ITGA4: variants seen among roughly 807,000 people sequenced by gnomAD.
ITGA4 encodes the protein integrin subunit alpha 4.
A neutral mutation model predicts 133.6 loss-of-function variants in ITGA4; 63 were observed. That is an observed-to-expected ratio of 0.47 (90% CI 0.38 to 0.58). The LOEUF is 0.58. ITGA4 is among the 20% of genes least tolerant of loss of function. The probability of loss-of-function intolerance (pLI) is 0.00; values close to 1 mark genes in which losing one functional copy is unlikely to be tolerated. For missense variants in ITGA4, 1,076 were observed against 1,252.7 expected, an observed-to-expected ratio of 0.86 and a Z score of 2.13; for synonymous variants, 483 against 438.0, an observed-to-expected ratio of 1.10 and a Z score of -1.28.
intron 2 of ITGA4, among the ~76,000 whole-genome samples, chr2:181,471,573 A>G: frequency 6.6e-6 from 1 of 152,194 alleles, no homozygotes; most frequent in East Asian, 1.9e-4. Flanking sequence ...ACAACTGTAT[A>G]GGAGATATTT....
At chr2:181,496,080 C>T in intron 14 of ITGA4, 143 bp downstream of exon 14, 1 of 771,518 alleles carries the variant, frequency 1.3e-6, no homozygotes, top group Admixed American at 2.6e-5. Context: ...CATGCTTTTC[C>T]TCTCCATCTT....
chr2:181,462,416 TTACC>T (rs1166615802), intron 2 of ITGA4, among the ~76,000 whole-genome samples: 1 of 152,206 alleles, frequency 6.6e-6, no homozygotes, highest in Non-Finnish European at 1.5e-5. Context: ...AAACTAATGA[TTACC>T]TAATCCTCAC....
At chr2:181,526,050 T>C (rs990733655) in intron 21 of ITGA4, among the ~76,000 whole-genome samples, 1 of 152,204 alleles carries the variant, frequency 6.6e-6, no homozygotes, top group Non-Finnish European at 1.5e-5. Context: ...AGTCATCTTA[T>C]CCACTTAGAA....
At position 181,536,178 on chromosome 2, in the gene ITGA4, T is replaced by G. The variant is rs1449258; in HGVS notation, c.*651T>G. ...TACACTGGTTTGAGCTTAGTGAAAT[T>G]ACTTCTGGATAATTATTTTTTTATA... On this transcript the variant is annotated 3_prime_UTR_variant, in exon 28 of 28. Coordinates refer to ENST00000397033, the MANE Select transcript of ITGA4 (RefSeq NM_000885.6). The G allele has an allele frequency of 0.99, 150,934 of 152,014 alleles. 74,946 individuals carry two copies. The highest frequency in any genetic ancestry group is 1 in the Middle Eastern group (294 of 294). The allele number at this position is 152,014 out of a possible 1,614,324, so 9.4% of individuals were successfully genotyped here.
intron 15 of ITGA4, among the ~76,000 whole-genome samples, chr2:181,503,518 T>TTTAA (rs1686326496): frequency 6.6e-6 from 1 of 151,334 alleles, no homozygotes; most frequent in South Asian, 2.1e-4. Flanking sequence ...TTTGCTTAAC[T>TTTAA]GGTCAAAATT....
rs914276792 is a variant in ITGA4 at position 181,522,318 on chromosome 2, T to A, written c.2050T>A (p.Tyr684Asn). The change falls in exon 18 of 28, where the codon TAT becomes AAT. Residue 684 changes from tyrosine to asparagine, a missense_variant. Tyr to Asn is a moderately radical substitution (Grantham distance 143, BLOSUM62 -2). Transcript: ENST00000397033. ...TLHVKLPVGL[Y>N]FIKILELEEK... ...ACATGTCAAACTACCCGTGGGTCTT[T>A]ATTTCATTAAGATTTTAGAGCTGGT... 1.9e-6 allele frequency: 3 copies of A among 1,605,586 alleles called. No homozygotes were observed. In the East Asian group the frequency reaches 6.7e-5, roughly 36 times the overall value.
At chr2:181,493,965 G>GT (rs1185707646) in intron 11 of ITGA4, among the ~76,000 whole-genome samples, 1 of 152,044 alleles carries the variant, frequency 6.6e-6, no homozygotes, top group African/African-American at 2.4e-5. Flanking sequence ...GAGAAGAAAA[G>GT]TTTTTCCCTT....
chr2:181,458,432 T>A, intron 2 of ITGA4, 115 bp downstream of exon 2: 1 of 1,295,932 alleles, frequency 7.7e-7, no homozygotes, highest in Non-Finnish European at 1.1e-6. Context: ...TTAAAGAGCA[T>A]AAAGTTTTCA....
intron 23 of ITGA4, 32 bp downstream of exon 23, chr2:181,529,680 TTG>T (rs764734185): frequency 9.2e-7 from 1 of 1,091,188 alleles, no homozygotes; most frequent in Non-Finnish European, 1.4e-6. Flanking sequence ...CTAACCTTTA[TTG>T]TGTGTCTTAA....
chr2:181,478,065 T>C (rs932754988), intron 4 of ITGA4, among the ~76,000 whole-genome samples: 4 of 152,096 alleles, frequency 2.6e-5, no homozygotes, highest in African/African-American at 4.8e-5. Context: ...AATTCTGACT[T>C]TTGTGACAAC....
At chr2:181,535,308 C>A in intron 27 of ITGA4, 124 bp from the exon 28 acceptor site, 1 of 724,732 alleles carries the variant, frequency 1.4e-6, no homozygotes, top group Non-Finnish European at 2.2e-6. Flanking sequence ...ACCTTTATGA[C>A]TGATGTTACA....
intron 22 of ITGA4, among the ~76,000 whole-genome samples, chr2:181,528,187 T>C (rs962870690): frequency 5.9e-5 from 9 of 152,218 alleles, no homozygotes; most frequent in Non-Finnish European, 1.0e-4. Flanking sequence ...AGAATGCAAA[T>C]TCCTTGGCTT....
At chr2:181,476,990 C>G (rs155088) in intron 4 of ITGA4, among the ~76,000 whole-genome samples, 116,212 of 151,916 alleles carry the variant, frequency 0.76, 44,763 homozygotes, top group Admixed American at 0.85. Flanking sequence ...ACGGTGGGAG[C>G]AGAGAGAGGA....
chr2:181,505,419 T>C (rs1400880048), intron 15 of ITGA4, among the ~76,000 whole-genome samples: 1 of 152,072 alleles, frequency 6.6e-6, no homozygotes, highest in African/African-American at 2.4e-5. Context: ...ACAGACATTA[T>C]GTAATTTCAG....
Position 181,490,964 on chromosome 2 carries a change from G to A in ITGA4, c.1154-2361G>A, listed in dbSNP as rs563027231. On this transcript the variant is annotated intron_variant, in intron 10 of 27. Transcript: ENST00000397033. ...TTCTGTATATTGTGTCCCAAATTAAGTTGCATAGGCTTGGAAAACATTTAT... is the reference window on the plus strand; with the variant it reads ...TTCTGTATATTGTGTCCCAAATTAAATTGCATAGGCTTGGAAAACATTTAT... Among the ~76,000 whole-genome samples the A allele has an allele frequency of 2.0e-5, 3 of 152,274 alleles. No individual in the cohort carries two copies. In the East Asian group the frequency reaches 5.8e-4, roughly 29 times the overall value.
intron 15 of ITGA4, among the ~76,000 whole-genome samples, chr2:181,509,104 G>A (rs1686450620): frequency 7.7e-6 from 1 of 130,570 alleles, no homozygotes; most frequent in African/African-American, 2.9e-5. Flanking sequence ...CTTCACTCCA[G>A]TCTGCTGACA....
intron 2 of ITGA4, among the ~76,000 whole-genome samples, chr2:181,469,087 G>A (rs1685487105): frequency 6.6e-6 from 1 of 152,120 alleles, no homozygotes; most frequent in African/African-American, 2.4e-5. Context: ...ATAATCTGAG[G>A]TTGTTTATGG....
intron 17 of ITGA4, among the ~76,000 whole-genome samples, chr2:181,512,379 A>T (rs559375639): frequency 6.6e-6 from 1 of 152,114 alleles, no homozygotes; most frequent in African/African-American, 2.4e-5. Context: ...ATTTGGAGGG[A>T]CTTTTCTATG....
chr2:181,535,572 A>G lies in ITGA4; in HGVS notation c.*45A>G, dbSNP rs1687051561. On this transcript the variant is annotated 3_prime_UTR_variant, in exon 28 of 28. Transcript: ENST00000397033. ...AGAATGGAAAACAGACTCAGGTTGT[A>G]GTAAAGAAATTTAAAAGACACTGTT... 1 of 1,544,526 alleles carries G rather than the reference A, an allele frequency of 6.5e-7. No individual in the cohort carries two copies. Among genetic ancestry groups the G allele is most frequent in the African/African-American group, 1.4e-5 (1 of 72,008 alleles).
Sources: allele counts gnomAD v4.1 joint callset (sites outside exome capture counted in the v4.1 genomes callset), GRCh38; gene constraint gnomAD v4.1.1; transcripts MANE v1.5; gene names NCBI Gene and HGNC (gene_info 2026-07-23, HGNC 2026-07-21).